SLC25A39: variants seen among roughly 807,000 people sequenced by gnomAD.
SLC25A39 encodes the protein solute carrier family 25 member 39, also known as mitochondrial glutathione transporter SLC25A39.
A neutral mutation model predicts 46.6 loss-of-function variants in SLC25A39; 44 were observed. The observed-to-expected ratio is 0.94, with a 90% confidence interval of 0.74 to 1.21. The LOEUF (loss-of-function observed/expected upper bound fraction) is 1.21, where lower values mean the gene tolerates loss of function less well. Among genes scored for constraint, SLC25A39 ranks in the 50% most tolerant of loss-of-function variants. SLC25A39 has a pLI of 0.00. For missense variants in SLC25A39, 487 were observed against 473.0 expected, an observed-to-expected ratio of 1.03 and a Z score of -0.28; for synonymous variants, 218 against 190.6, an observed-to-expected ratio of 1.14 and a Z score of -1.19.
chr17:44,323,028 T>G (rs2048103181), intron 3 of SLC25A39, among the ~76,000 whole-genome samples, 176 bp from the exon 4 acceptor site: 1 of 152,188 alleles, frequency 6.6e-6, no homozygotes, highest in African/African-American at 2.4e-5. Flanking sequence ...GTTCAAGCGA[T>G]TCTCCTGCCT....
rs775984976 is a variant in SLC25A39, at chr17:44,320,454, G to A, written c.802-18C>T. 2 of 1,613,060 alleles carry A rather than the reference G, an allele frequency of 1.2e-6. No individual in the cohort carries two copies. Among genetic ancestry groups the A allele is most frequent in the African/African-American group, 2.7e-5 (2 of 74,892 alleles). On this transcript the variant is annotated intron_variant, in intron 9 of 11. Coordinates refer to ENST00000377095, the MANE Select transcript of SLC25A39 (RefSeq NM_001143780.3). ...GCAGCCACCTGGTGGGGTGGGCGGG[G>A]AGAGGGCTCAGCTCCACTTCCTGGA...
At position 44,320,032 on chromosome 17, in the gene SLC25A39, C is replaced by T. The variant is rs547973717; in HGVS notation, c.1049G>A (p.Arg350Lys). The change falls in exon 12 of 12, where the codon AGG (arginine) becomes AAG (lysine). Residue 350 changes from arginine (R) to lysine (K), a missense_variant. Transcript: ENST00000377095. ...TYEFGKSFFQ[R>K]LNQDRLLGG Reference sequence around the variant, plus strand: ...GCCCAGAAGCCGGTCCTGGTTCAGCCTCTGGAAGAAGCTTTTGCCGAACTC... The same window carrying T: ...GCCCAGAAGCCGGTCCTGGTTCAGCTTCTGGAAGAAGCTTTTGCCGAACTC... The T allele has an allele frequency of 1.9e-6, 3 of 1,613,956 alleles. No individual in the cohort carries two copies. Among genetic ancestry groups the T allele is most frequent in the Non-Finnish European group, 2.5e-6 (3 of 1,180,042 alleles).
intron 5 of SLC25A39, 29 bp from the exon 6 acceptor site, chr17:44,321,796 AGAG>A: frequency 1.2e-6 from 2 of 1,601,838 alleles, no homozygotes; most frequent in South Asian, 1.1e-5. Context: ...GCCCAGGGGA[AGAG>A]GAGGGACACA....
chr17:44,321,406 G>A, intron 7 of SLC25A39, 28 bp downstream of exon 7: 1 of 1,613,480 alleles, frequency 6.2e-7, no homozygotes, highest in Non-Finnish European at 8.5e-7. Context: ...GGGACAGAGG[G>A]AGGTCAAAGG....
intron 4 of SLC25A39, 59 bp from the exon 5 acceptor site, chr17:44,322,611 T>C (rs2143162303): frequency 6.3e-7 from 1 of 1,591,070 alleles, no homozygotes; most frequent in Non-Finnish European, 8.6e-7. Flanking sequence ...AGGGAGGCAG[T>C]GGGCCCCTAT....
At chr17:44,324,382 C>T (rs1423566825) in intron 1 of SLC25A39, 4 of 152,256 alleles carry the variant, frequency 2.6e-5, no homozygotes, top group Non-Finnish European at 5.9e-5. Flanking sequence ...AAGAAGGGCC[C>T]GTCGCCTCCT....
At chr17:44,323,434 G>T in intron 2 of SLC25A39, 44 bp downstream of exon 2, 2 of 1,367,916 alleles carry the variant, frequency 1.5e-6, no homozygotes, top group South Asian at 1.3e-5. Context: ...TCTCCGGTCT[G>T]CCCCATCCCC....
chr17:44,320,404 C>T lies in SLC25A39; in HGVS notation c.834G>A (p.Val278=). 2.5e-6 allele frequency: 4 copies of T among 1,613,594 alleles called. No homozygotes were observed. The highest frequency in any genetic ancestry group is 1.3e-5 in the African/African-American group (1 of 75,024). The part of the protein sequence containing the change: ...VAAVLTLPFD[V]VKTQRQVALG... The stretch of plus-strand genomic sequence containing the variant: ...GAGCGACCTGGCGTTGGGTCTTTAC[C>T]ACGTCAAAGGGTAGAGTCAGCACTG... Residue 278 remains valine, a synonymous_variant, in exon 10 of 12, where the codon GTG becomes GTA. Coordinates refer to ENST00000377095, the MANE Select transcript of SLC25A39 (RefSeq NM_001143780.3).
chr17:44,321,621 C>G (rs1247181941), intron 6 of SLC25A39, 63 bp from the exon 7 acceptor site: 1 of 1,608,148 alleles, frequency 6.2e-7, no homozygotes, highest in Non-Finnish European at 8.5e-7. Context: ...AAAGCATCAC[C>G]TGCCCCACCT....
intron 2 of SLC25A39, 50 bp downstream of exon 2, chr17:44,323,428 C>G: frequency 1.3e-6 from 2 of 1,527,788 alleles, no homozygotes; most frequent in East Asian, 4.9e-5. Context: ...CTCCAATCTC[C>G]GGTCTGCCCC....
At chr17:44,323,442 C>CG in intron 2 of SLC25A39, 36 bp downstream of exon 2, 1 of 765,646 alleles carries the variant, frequency 1.3e-6, no homozygotes, top group Non-Finnish European at 2.1e-6. Context: ...CTGCCCCATC[C>CG]CCACCCGCCC....
In SLC25A39 at chr17:44,322,795, T is replaced by C; in HGVS notation, c.190+13A>G. 1 of 1,614,004 alleles carries C rather than the reference T, an allele frequency of 6.2e-7. No individual in the cohort carries two copies. The highest frequency in any genetic ancestry group is 8.5e-7 in the Non-Finnish European group (1 of 1,179,962). ...TGCACCCTCCCATGCTCCCTGTGGC[T>C]TGGGGCACTCACATTTGGTATAGGA... On this transcript the variant is annotated intron_variant, in intron 4 of 11. Coordinates refer to ENST00000377095, the MANE Select transcript of SLC25A39 (RefSeq NM_001143780.3).
rs2048177728 is a variant in SLC25A39 at position 44,324,771 on chromosome 17, T to C, written c.-76A>G. On this transcript the variant is annotated 5_prime_UTR_variant, in exon 1 of 12. Transcript: ENST00000377095. ...CAGGGTCAGGCGGGCCCATACCGGC[T>C]CCGCCGCCTGTGCGCGGTCCGCGCG... 6.6e-6 allele frequency: 1 copy of C among 152,026 alleles called. No homozygotes were observed. Among genetic ancestry groups the C allele is most frequent in the African/African-American group, 2.4e-5 (1 of 41,384 alleles). 9.4% of individuals were successfully genotyped at this position (152,026 alleles called of 1,614,324 possible).
chr17:44,323,826 G>C, intron 1 of SLC25A39: 1 of 500,292 alleles, frequency 2.0e-6, no homozygotes, highest in South Asian at 2.5e-5. Context: ...ATTTTTAGTA[G>C]AGACAGGGTT....
At position 44,321,559 on chromosome 17, in the gene SLC25A39, C is replaced by G. The variant is rs767871713; in HGVS notation, c.393-1G>C. ...GGCGGTAGCTGGCACAGTCATCACC[C>G]TGGGGATACAGAGAGAGGTTAGCTG... On this transcript the variant is annotated splice_acceptor_variant, in intron 6 of 11. Transcript: ENST00000377095. LOFTEE classifies it high-confidence loss of function. The G allele has an allele frequency of 2.5e-6, 4 of 1,613,880 alleles. No individual in the cohort carries two copies. The highest frequency in any genetic ancestry group is 1.1e-5 in the South Asian group (1 of 91,066).
At position 44,319,848 on chromosome 17, in the gene SLC25A39, G is replaced by A. The variant is rs559132029; in HGVS notation, c.*153C>T. 1.8e-4 allele frequency: 116 copies of A among 662,852 alleles called. No homozygotes were observed. The African/African-American group carries it at 2.0e-3, about 11-fold the overall frequency. 41.1% of individuals were successfully genotyped at this position (662,852 alleles called of 1,614,324 possible). ...GTTGTGTCTGAGGAAGTGCTGGGCC[G>A]CCCAGAGGGACAGCCCTGCCCTGGA... On this transcript the variant is annotated 3_prime_UTR_variant, in exon 12 of 12. Coordinates refer to ENST00000377095, the MANE Select transcript of SLC25A39 (RefSeq NM_001143780.3).
rs2047988974 is a variant in SLC25A39, at chr17:44,320,442, G to T, written c.802-6C>A. ...AGAGTCAGCACTGCAGCCACCTGGTGGGGTGGGCGGGGAGAGGGCTCAGCT... is the reference window on the plus strand; with the variant it reads ...AGAGTCAGCACTGCAGCCACCTGGTTGGGTGGGCGGGGAGAGGGCTCAGCT... On this transcript the variant is annotated splice_region_variant and splice_polypyrimidine_tract_variant and intron_variant, in intron 9 of 11. Coordinates refer to ENST00000377095, the MANE Select transcript of SLC25A39 (RefSeq NM_001143780.3). The T allele has an allele frequency of 1.2e-6, 2 of 1,613,434 alleles. No homozygotes were observed. Among genetic ancestry groups the T allele is most frequent in the Non-Finnish European group, 8.5e-7 (1 of 1,179,984 alleles).
Position 44,320,856 on chromosome 17 carries a change from G to A in SLC25A39, c.692-125C>T. On this transcript the variant is annotated intron_variant, in intron 8 of 11. Transcript: ENST00000377095. ...TTGTCTGCTACATGCAGGCTCAGAA[G>A]CAGGCACTCTGTAGGAATTAATCTC... The A allele has an allele frequency of 8.2e-6, 8 of 976,074 alleles. 1 individual carries two copies. Among genetic ancestry groups the A allele is most frequent in the South Asian group, 3.2e-5 (2 of 63,478 alleles). The allele number at this position is 976,074 out of a possible 1,614,324, so 60.5% of individuals were successfully genotyped here. A position where few individuals can be genotyped will look rare whatever the true frequency, so the allele number is the denominator to read the frequency against.
Position 44,319,837 on chromosome 17 carries a change from A to C in SLC25A39, c.*164T>G. 1 of 615,956 alleles carries C rather than the reference A, an allele frequency of 1.6e-6. No homozygotes were observed. Among genetic ancestry groups the C allele is most frequent in the Non-Finnish European group, 2.8e-6 (1 of 351,996 alleles). The allele number at this position is 615,956 out of a possible 1,614,324, so 38.2% of individuals were successfully genotyped here. On this transcript the variant is annotated 3_prime_UTR_variant, in exon 12 of 12. Coordinates refer to ENST00000377095, the MANE Select transcript of SLC25A39 (RefSeq NM_001143780.3). The stretch of plus-strand genomic sequence containing the variant: ...AGCAGGAAGAAGTTGTGTCTGAGGA[A>C]GTGCTGGGCCGCCCAGAGGGACAGC...
Sources: allele counts gnomAD v4.1 joint callset (sites outside exome capture counted in the v4.1 genomes callset), GRCh38; gene constraint gnomAD v4.1.1; transcripts MANE v1.5; gene names NCBI Gene and HGNC (gene_info 2026-07-23, HGNC 2026-07-21).